The following TMEM108 variants were observed in gnomAD, a reference collection of about 807,000 sequenced individuals.
TMEM108 encodes cancer/testis antigen 124.
A neutral mutation model predicts 35.1 loss-of-function variants in TMEM108; 12 were observed. That is an observed-to-expected ratio of 0.34 (90% CI 0.22 to 0.55). The LOEUF (loss-of-function observed/expected upper bound fraction) is 0.55. TMEM108 is among the 20% of genes least tolerant of loss of function. The probability of loss-of-function intolerance (pLI) is 0.89; values close to 1 mark genes in which losing one functional copy is unlikely to be tolerated. For missense variants in TMEM108, 680 were observed against 753.3 expected (o/e 0.90, Z 1.14); for synonymous variants, 287 against 308.6 (o/e 0.93, Z 0.73).
chr3:133,129,310 A>C (rs1392195869), intron 2 of TMEM108, among the ~76,000 whole-genome samples: 2 of 149,200 alleles, frequency 1.3e-5, no homozygotes, highest in African/African-American at 5.0e-5. Context: ...GTACCACTGC[A>C]CTCCAGCCTG....
chr3:133,199,967 C>T (rs1945637423), intron 2 of TMEM108, among the ~76,000 whole-genome samples: 1 of 152,184 alleles, frequency 6.6e-6, no homozygotes, highest in Non-Finnish European at 1.5e-5. Context: ...TCAGCAATGG[C>T]AGGCACCCCT....
intron 3 of TMEM108, among the ~76,000 whole-genome samples, chr3:133,230,793 T>A (rs1368702637): frequency 1.3e-5 from 2 of 152,200 alleles, no homozygotes; most frequent in African/African-American, 4.8e-5. Flanking sequence ...TTGAAAGGCA[T>A]CAGTAAATTA....
chr3:133,056,280 T>A (rs929158593), intron 2 of TMEM108, among the ~76,000 whole-genome samples: 6 of 152,226 alleles, frequency 3.9e-5, no homozygotes, highest in Non-Finnish European at 5.9e-5. Flanking sequence ...CTTGGTCCCG[T>A]TCTCTCCTCC....
At chr3:133,180,124 T>C (rs1339588452) in intron 2 of TMEM108, among the ~76,000 whole-genome samples, 13 of 152,180 alleles carry the variant, frequency 8.5e-5, no homozygotes, top group Admixed American at 7.9e-4. Context: ...AATTTTTAAA[T>C]AACATGTTCT....
chr3:133,375,364 C>T (rs139323124), intron 3 of TMEM108, among the ~76,000 whole-genome samples: 1 of 152,194 alleles, frequency 6.6e-6, no homozygotes, highest in South Asian at 2.1e-4. Context: ...CAACAATTGT[C>T]CATATTCAGA....
chr3:133,186,388 T>G (rs1945421522), intron 2 of TMEM108, among the ~76,000 whole-genome samples: 1 of 152,254 alleles, frequency 6.6e-6, no homozygotes, highest in Non-Finnish European at 1.5e-5. Context: ...CTATTATAAA[T>G]GCAACTTACA....
intron 3 of TMEM108, among the ~76,000 whole-genome samples, chr3:133,242,290 TAG>T (rs1346770167): frequency 2.0e-5 from 3 of 152,210 alleles, no homozygotes; most frequent in African/African-American, 7.2e-5. Context: ...CTATTCTGCA[TAG>T]AGTTATTAAT....
chr3:133,380,603 C>A lies in TMEM108; in HGVS notation c.892C>A (p.Pro298Thr), dbSNP rs1426609925. ...TACCTTCACCAGCCAAGGAGGGACACCAGATGCCACAGCAGCCTCAGGTGC... is the reference window on the plus strand; with the variant it reads ...TACCTTCACCAGCCAAGGAGGGACAACAGATGCCACAGCAGCCTCAGGTGC... ...GSTFTSQGGT[P>T]DATAASGAPV... The change falls in exon 4 of 6, where the codon CCA becomes ACA. Residue 298 changes from proline to threonine, a missense_variant. This residue lies in a region of TMEM108 where 526 missense variants were observed against 532.1 expected (regional missense o/e 0.99). Transcript: ENST00000321871. This position sits in a 1 kb window ranked among gnomAD's most constrained non-coding sequence, Gnocchi z 5.3. 6.2e-7 allele frequency: 1 copy of A among 1,613,304 alleles called. No individual in the cohort carries two copies. The highest frequency in any genetic ancestry group is 1.3e-5 in the African/African-American group (1 of 75,014).
rs1260642508 is a variant in TMEM108 at position 133,066,193 on chromosome 3, T to C, written c.-47+20173T>C. On this transcript the variant is annotated intron_variant, in intron 2 of 5. Coordinates refer to ENST00000321871, the MANE Select transcript of TMEM108 (RefSeq NM_023943.4). ...GACTTTCTTGGAGCTTGGAATTTAA[T>C]TGGTGTTATGCTGGGATAACTACCA... 3.3e-5 allele frequency among the ~76,000 whole-genome samples: 5 copies of C among 152,278 alleles called. No individual in the cohort carries two copies. In the East Asian group the frequency reaches 9.6e-4, roughly 29 times the overall value.
intron 2 of TMEM108, among the ~76,000 whole-genome samples, chr3:133,142,600 C>T (rs1576341790): frequency 2.0e-5 from 3 of 152,326 alleles, no homozygotes; most frequent in Admixed American, 6.5e-5. Flanking sequence ...TAAAACATCA[C>T]ATCCCAGGCA....
At chr3:133,087,566 T>C (rs1943898960) in intron 2 of TMEM108, among the ~76,000 whole-genome samples, 1 of 152,206 alleles carries the variant, frequency 6.6e-6, no homozygotes, top group Non-Finnish European at 1.5e-5. Context: ...TTGTGACAAT[T>C]AGCCCTTGGC....
At chr3:133,211,939 T>C (rs968390602) in intron 2 of TMEM108, among the ~76,000 whole-genome samples, 5 of 152,180 alleles carry the variant, frequency 3.3e-5, no homozygotes, top group African/African-American at 1.2e-4. Flanking sequence ...TATTTTATTT[T>C]TTAGAAAGGG....
Position 133,087,642 on chromosome 3 carries a change from A to G in TMEM108, c.-47+41622A>G, listed in dbSNP as rs549966653. Among the ~76,000 whole-genome samples, 4 of 152,284 alleles carry G rather than the reference A, an allele frequency of 2.6e-5. No individual in the cohort carries two copies. In the South Asian group the frequency reaches 6.2e-4, roughly 24 times the overall value. ...AGATTGGTTATGCCAGGACCATACT[A>G]CCTGTCTCAGGTATCCTTCTTGGGC... On this transcript the variant is annotated intron_variant, in intron 2 of 5. Coordinates refer to ENST00000321871, the MANE Select transcript of TMEM108 (RefSeq NM_023943.4).
intron 1 of TMEM108, among the ~76,000 whole-genome samples, chr3:133,042,286 T>G (rs534906555): frequency 6.6e-6 from 1 of 152,196 alleles, no homozygotes; most frequent in Admixed American, 6.5e-5. Flanking sequence ...ATCCTATGGC[T>G]TAGGTTATTT....
chr3:133,195,584 T>C (rs548242362), intron 2 of TMEM108, among the ~76,000 whole-genome samples: 3 of 152,306 alleles, frequency 2.0e-5, no homozygotes, highest in African/African-American at 7.2e-5. Flanking sequence ...TATGTGTCAA[T>C]TACCACTCCT....
intron 3 of TMEM108, among the ~76,000 whole-genome samples, chr3:133,302,948 C>A (rs931487388): frequency 1.3e-5 from 2 of 152,110 alleles, no homozygotes; most frequent in Non-Finnish European, 2.9e-5. Context: ...AGTTAGGTTG[C>A]AGATCAAACA....
chr3:133,091,362 C>A (rs1168318203), intron 2 of TMEM108, among the ~76,000 whole-genome samples: 1 of 152,134 alleles, frequency 6.6e-6, no homozygotes, highest in Non-Finnish European at 1.5e-5. Flanking sequence ...TGTAACTAAC[C>A]ACAAACCAGG....
chr3:133,243,100 AG>A (rs1266467115), intron 3 of TMEM108, among the ~76,000 whole-genome samples: 1 of 152,170 alleles, frequency 6.6e-6, no homozygotes, highest in Admixed American at 6.5e-5. Flanking sequence ...ATGAGATGGA[AG>A]GGCTGGAAGC....
chr3:133,310,759 G>A (rs1456029559), intron 3 of TMEM108, among the ~76,000 whole-genome samples: 1 of 151,880 alleles, frequency 6.6e-6, no homozygotes, highest in Non-Finnish European at 1.5e-5. Flanking sequence ...ATTTGATGTT[G>A]TCATTATGAT....
Sources: gnomAD v4.1 joint callset for allele counts (sites outside exome capture counted in the v4.1 genomes callset) on GRCh38, gnomAD v4.1.1 for gene constraint, gnomAD v4.1.1 regional missense constraint, Gnocchi (gnomAD v3.1) non-coding constraint, MANE v1.5 for transcripts, NCBI Gene and HGNC (gene_info 2026-07-23, HGNC 2026-07-21) for gene names.